Variants in TBXAS1 observed in about 807,000 individuals in gnomAD.
TBXAS1 encodes thromboxane-A synthase.
TBXAS1 carries 48 observed loss-of-function variants against 60.7 expected under a neutral mutation model. The ratio of observed to expected loss-of-function variants is 0.79; its 90% CI spans 0.63 to 1.01. The LOEUF (loss-of-function observed/expected upper bound fraction) is 1.01. Among genes scored for constraint, TBXAS1 ranks in the 50% least tolerant of loss-of-function variants. TBXAS1 has a pLI of 0.00. For synonymous variants in TBXAS1, 287 were observed against 269.7 expected (o/e 1.06, Z -0.63); for missense variants, 685 against 686.3 (o/e 1.00, Z 0.02).
At chr7:139,785,223 C>T (rs1180607763) in intron 3 of TBXAS1, among the ~76,000 whole-genome samples, 1 of 152,126 alleles carries the variant, frequency 6.6e-6, no homozygotes, top group Non-Finnish European at 1.5e-5. Flanking sequence ...TCTTGATGGA[C>T]TGGACCTAAG....
At chr7:139,979,321 C>A (rs1331519260) in intron 9 of TBXAS1, among the ~76,000 whole-genome samples, 3 of 152,120 alleles carry the variant, frequency 2.0e-5, no homozygotes. Context: ...TTAACTTCAG[C>A]TTTAAGCAAC....
At chr7:139,887,655 T>C (rs1348742631) in intron 3 of TBXAS1, among the ~76,000 whole-genome samples, 2 of 152,220 alleles carry the variant, frequency 1.3e-5, no homozygotes, top group African/African-American at 4.8e-5. Context: ...ATTCTGCCTT[T>C]TGTTTATTCG....
intron 1 of TBXAS1, among the ~76,000 whole-genome samples, chr7:139,830,743 A>G (rs1462560087): frequency 6.6e-6 from 1 of 152,126 alleles, no homozygotes; most frequent in Non-Finnish European, 1.5e-5. Context: ...ATAATTAACC[A>G]TCTATCATCT....
upstream of TBXAS1, among the ~76,000 whole-genome samples, chr7:139,825,809 G>A (rs948147525): frequency 1.3e-5 from 2 of 152,152 alleles, no homozygotes; most frequent in Non-Finnish European, 2.9e-5. Context: ...CACTCTCCTT[G>A]GAAAACTACA....
chr7:139,857,498 C>A (rs1384579473), intron 1 of TBXAS1, among the ~76,000 whole-genome samples: 4 of 152,126 alleles, frequency 2.6e-5, no homozygotes, highest in Non-Finnish European at 5.9e-5. Context: ...ACAAAAGCCA[C>A]CCCTGAAGTG....
In TBXAS1 at chr7:139,781,305, C is replaced by T. The variant is rs374773206; in HGVS notation, c.-233+481C>T. On this transcript the variant is annotated intron_variant, in intron 2 of 16. Coordinates refer to the TBXAS1 transcript ENST00000336425. Reference sequence around the variant, plus strand: ...TCCGGTGACTGCAGTCAAGTGGCAGCAAGGTATAAACCTAACAGTGAAATG... The same window carrying T: ...TCCGGTGACTGCAGTCAAGTGGCAGTAAGGTATAAACCTAACAGTGAAATG... 7.2e-5 allele frequency among the ~76,000 whole-genome samples: 11 copies of T among 152,282 alleles called. No individual in the cohort carries two copies. The South Asian group carries it at 2.3e-3, about 32-fold the overall frequency.
chr7:139,865,599 GGAGGAA>G (rs1801293806), intron 1 of TBXAS1, among the ~76,000 whole-genome samples: 2 of 75,470 alleles, frequency 2.7e-5, no homozygotes, highest in Non-Finnish European at 5.9e-5. Context: ...AGGAGGAGGA[GGAGGAA>G]GAGGAGGAGG....
chr7:139,831,748 A>G (rs1798715099), intron 1 of TBXAS1, among the ~76,000 whole-genome samples: 1 of 152,170 alleles, frequency 6.6e-6, no homozygotes, highest in South Asian at 2.1e-4. Flanking sequence ...CCTGGCCAAC[A>G]TGGTGAAACT....
chr7:139,828,980 T>C (rs1387030483), upstream of TBXAS1, among the ~76,000 whole-genome samples: 5 of 152,226 alleles, frequency 3.3e-5, no homozygotes, highest in Non-Finnish European at 7.3e-5. Flanking sequence ...GATATAGATA[T>C]AGACATAGAG....
intron 8 of TBXAS1, among the ~76,000 whole-genome samples, chr7:139,958,611 C>T (rs1810065669): frequency 6.6e-6 from 1 of 152,160 alleles, no homozygotes; most frequent in South Asian, 2.1e-4. Context: ...TTGGTGAGGG[C>T]CAATTGTTAA....
chr7:139,850,346 TA>T (rs1463333102), intron 1 of TBXAS1, among the ~76,000 whole-genome samples: 1 of 152,210 alleles, frequency 6.6e-6, no homozygotes, highest in Admixed American at 6.5e-5. Flanking sequence ...TAACAATAAG[TA>T]GCAAAAACAA....
intron 1 of TBXAS1, among the ~76,000 whole-genome samples, chr7:139,837,748 A>C (rs1275632047): frequency 6.6e-6 from 1 of 152,172 alleles, no homozygotes; most frequent in Non-Finnish European, 1.5e-5. Context: ...AAAATCTCAG[A>C]AATCACCACT....
intron 4 of TBXAS1, among the ~76,000 whole-genome samples, chr7:139,934,012 T>A (rs1456384580): frequency 6.6e-6 from 1 of 151,790 alleles, no homozygotes; most frequent in Non-Finnish European, 1.5e-5. Flanking sequence ...CCCAAATATG[T>A]CCCCCACCGA....
At chr7:139,783,727 G>A (rs1797073947) in intron 3 of TBXAS1, among the ~76,000 whole-genome samples, 1 of 152,186 alleles carries the variant, frequency 6.6e-6, no homozygotes, top group African/African-American at 2.4e-5. Context: ...ACAGTGTGAA[G>A]TTTCAATTGT....
At chr7:139,952,444 G>A in intron 5 of TBXAS1, 1 of 1,313,576 alleles carries the variant, frequency 7.6e-7, no homozygotes, top group Non-Finnish European at 1.0e-6. Flanking sequence ...TACATTTTAT[G>A]TCTTTCATGA....
intron 9 of TBXAS1, among the ~76,000 whole-genome samples, chr7:139,993,339 A>G (rs1047755784): frequency 3.4e-4 from 52 of 152,190 alleles, no homozygotes; most frequent in African/African-American, 9.9e-4. Flanking sequence ...GGACTCACAC[A>G]TTCAGTCCAT....
chr7:139,835,548 G>T (rs1405054515), intron 1 of TBXAS1, among the ~76,000 whole-genome samples: 1 of 152,164 alleles, frequency 6.6e-6, no homozygotes, highest in African/African-American at 2.4e-5. Context: ...GATAATAGAT[G>T]CAGAAAAAGC....
chr7:139,957,893 T>TA lies in TBXAS1; in HGVS notation c.819+130dup, dbSNP rs1003455781. 21 of 1,342,376 alleles carry TA rather than the reference T, an allele frequency of 1.6e-5. No homozygotes were observed. In the African/African-American group the frequency reaches 2.6e-4, roughly 17 times the overall value. The allele number at this position is 1,342,376 out of a possible 1,614,324, so 83.2% of individuals were successfully genotyped here. On this transcript the variant is annotated intron_variant, in intron 8 of 12. Transcript: ENST00000448866. Reference sequence around the variant, plus strand: ...TGCCGTCCTTCAGCAACCCACCACTTACAGCTTCCAGGGACAGTGGAGAGA... The same window carrying TA: ...TGCCGTCCTTCAGCAACCCACCACTTAACAGCTTCCAGGGACAGTGGAGAGA...
intron 9 of TBXAS1, among the ~76,000 whole-genome samples, chr7:140,000,675 G>T (rs549656464): frequency 8.4e-6 from 1 of 119,474 alleles, no homozygotes; most frequent in Non-Finnish European, 1.7e-5. Context: ...ACTAGGTAAA[G>T]ATTCTGTTTA....
Sources: gnomAD v4.1 joint callset for allele counts (sites outside exome capture counted in the v4.1 genomes callset) on GRCh38, gnomAD v4.1.1 for gene constraint, MANE v1.5 for transcripts, NCBI Gene and HGNC (gene_info 2026-07-23, HGNC 2026-07-21) for gene names.